Variants in GRM8 observed in about 807,000 individuals in gnomAD.
GRM8 encodes glutamate metabotropic receptor 8, also known as metabotropic glutamate receptor 8.
A neutral mutation model predicts 87.2 loss-of-function variants in GRM8; 47 were observed. The observed-to-expected ratio is 0.54, with a 90% CI of 0.43 to 0.69. GRM8 has a LOEUF of 0.69. GRM8 is among the 30% of genes least tolerant of loss of function. GRM8 has a pLI of 0.00. For missense variants in GRM8, 1,019 were observed against 1,139.2 expected, an observed-to-expected ratio of 0.89 and a Z score of 1.52; for synonymous variants, 396 against 404.5, an observed-to-expected ratio of 0.98 and a Z score of 0.25.
chr7:126,904,861 A>G (rs1802519611), intron 3 of GRM8, among the ~76,000 whole-genome samples, 178 bp from the exon 4 acceptor site: 2 of 152,248 alleles, frequency 1.3e-5, no homozygotes, highest in Admixed American at 6.5e-5. Context: ...CACCAAATAA[A>G]TGACAACAAT....
intron 9 of GRM8, among the ~76,000 whole-genome samples, chr7:126,486,923 T>C (rs1807440079): frequency 6.6e-6 from 1 of 152,022 alleles, no homozygotes; most frequent in African/African-American, 2.4e-5. Flanking sequence ...AACCACAATG[T>C]GTTAGCTGTT....
At chr7:126,471,735 T>C (rs1022742869) in intron 9 of GRM8, among the ~76,000 whole-genome samples, 20 of 152,022 alleles carry the variant, frequency 1.3e-4, no homozygotes, top group African/African-American at 4.6e-4. Flanking sequence ...AAGAAAGTCA[T>C]TGGTAGCTTG....
chr7:126,792,372 A>G (rs1053060416), intron 6 of GRM8, among the ~76,000 whole-genome samples: 1 of 152,226 alleles, frequency 6.6e-6, no homozygotes, highest in African/African-American at 2.4e-5. Context: ...TCACCTTGTC[A>G]GGAAACTTAT....
intron 3 of GRM8, among the ~76,000 whole-genome samples, chr7:126,924,266 T>C (rs891580574): frequency 1.3e-5 from 2 of 152,232 alleles, no homozygotes; most frequent in Non-Finnish European, 2.9e-5. Flanking sequence ...ATTGGATTCA[T>C]AGGGCATTCC....
intron 3 of GRM8, among the ~76,000 whole-genome samples, chr7:127,032,872 A>T (rs1211956775): frequency 6.6e-6 from 1 of 152,006 alleles, no homozygotes; most frequent in East Asian, 1.9e-4. Flanking sequence ...TGTTATTTCT[A>T]CTAAATGCTG....
At chr7:126,928,838 A>C (rs1408203236) in intron 3 of GRM8, among the ~76,000 whole-genome samples, 1 of 152,208 alleles carries the variant, frequency 6.6e-6, no homozygotes, top group Non-Finnish European at 1.5e-5. Context: ...GAACTACAAA[A>C]CTATTTTAAA....
At chr7:127,161,376 T>C (rs1000325977) in intron 2 of GRM8, among the ~76,000 whole-genome samples, 1 of 152,140 alleles carries the variant, frequency 6.6e-6, no homozygotes, top group African/African-American at 2.4e-5. Context: ...GCTGGAGAGA[T>C]AGAATCTTTC....
chr7:126,756,907 C>T (rs187153494), intron 7 of GRM8, among the ~76,000 whole-genome samples: 1 of 151,876 alleles, frequency 6.6e-6, no homozygotes, highest in Admixed American at 6.6e-5. Context: ...AAAAGAATGA[C>T]GATAACAAAA....
intron 3 of GRM8, among the ~76,000 whole-genome samples, chr7:126,940,988 A>G (rs976742876): frequency 6.6e-6 from 1 of 152,236 alleles, no homozygotes; most frequent in African/African-American, 2.4e-5. Flanking sequence ...AAAGGTGCTG[A>G]TAATGAGGGA....
chr7:126,477,925 C>T (rs1806190958), intron 9 of GRM8, among the ~76,000 whole-genome samples: 1 of 152,122 alleles, frequency 6.6e-6, no homozygotes, highest in Non-Finnish European at 1.5e-5. Flanking sequence ...ATGCAGTTCT[C>T]TTTCCCTCTT....
intron 7 of GRM8, among the ~76,000 whole-genome samples, chr7:126,684,641 T>A (rs138340085): frequency 2.4e-4 from 36 of 152,224 alleles, no homozygotes; most frequent in Non-Finnish European, 4.3e-4. Flanking sequence ...TCCAGCACAG[T>A]GTCATAGATG....
At chr7:127,148,377 G>A (rs532512925) in intron 2 of GRM8, among the ~76,000 whole-genome samples, 13 of 151,498 alleles carry the variant, frequency 8.6e-5, no homozygotes, top group Admixed American at 2.0e-4. Context: ...TGATCATAGG[G>A]GACTTCAATA....
chr7:126,556,028 G>C (rs1793096655), intron 8 of GRM8, among the ~76,000 whole-genome samples: 1 of 152,086 alleles, frequency 6.6e-6, no homozygotes, highest in Non-Finnish European at 1.5e-5. Flanking sequence ...ACCAAAAGCA[G>C]CTTGAGCACT....
chr7:126,750,757 A>G (rs938509420), intron 7 of GRM8, among the ~76,000 whole-genome samples: 4 of 152,094 alleles, frequency 2.6e-5, no homozygotes, highest in African/African-American at 9.7e-5. Context: ...TATTAGTCCC[A>G]GTGTTCTGTC....
intron 2 of GRM8, among the ~76,000 whole-genome samples, chr7:127,116,177 G>T (rs1385474975): frequency 6.6e-6 from 1 of 152,134 alleles, no homozygotes; most frequent in Non-Finnish European, 1.5e-5. Flanking sequence ...CTAGTTTATA[G>T]CATCTCCTTA....
intron 3 of GRM8, among the ~76,000 whole-genome samples, chr7:127,038,568 G>T (rs750720087): frequency 2.6e-5 from 4 of 151,940 alleles, no homozygotes; most frequent in Non-Finnish European, 4.4e-5. Flanking sequence ...CTCACATAAA[G>T]AACTTAAAAA....
intron 2 of GRM8, among the ~76,000 whole-genome samples, chr7:127,211,199 C>T (rs557058171): frequency 7.6e-4 from 115 of 152,228 alleles, no homozygotes; most frequent in Non-Finnish European, 1.3e-3. Context: ...AGTCTGAGTC[C>T]CAAAACCTCA....
chr7:126,556,218 GC>G (rs1016667062), intron 8 of GRM8, among the ~76,000 whole-genome samples: 1 of 151,730 alleles, frequency 6.6e-6, no homozygotes, highest in Non-Finnish European at 1.5e-5. Flanking sequence ...AGTCAGTCAA[GC>G]CTTTAAAACT....
At chr7:126,446,488 G>A in intron 9 of GRM8, 116 bp from the exon 10 acceptor site, 2 of 664,182 alleles carry the variant, frequency 3.0e-6, no homozygotes, top group Non-Finnish European at 5.1e-6. Context: ...CACATTAAAA[G>A]GCACTTATTG....
Sources: allele counts gnomAD v4.1 joint callset (sites outside exome capture counted in the v4.1 genomes callset), GRCh38; gene constraint gnomAD v4.1.1; transcripts MANE v1.5; gene names NCBI Gene and HGNC (gene_info 2026-07-23, HGNC 2026-07-21).